ADAMTS3: variants seen among roughly 807,000 people sequenced by gnomAD.
ADAMTS3 encodes A disintegrin and metalloproteinase with thrombospondin motifs 3.
Under a neutral mutation model 129.0 loss-of-function variants are expected in ADAMTS3, and 73 were observed. The observed-to-expected ratio is 0.57, with a 90% CI of 0.47 to 0.69. The LOEUF (loss-of-function observed/expected upper bound fraction) is 0.69. ADAMTS3 is among the 30% of genes least tolerant of loss of function. The pLI is 0.00. For missense variants in ADAMTS3, 1,457 were observed against 1,514.5 expected, an observed-to-expected ratio of 0.96 and a Z score of 0.63; for synonymous variants, 477 against 510.8, an observed-to-expected ratio of 0.93 and a Z score of 0.89.
chr4:72,318,899 G>C (rs1350736231), intron 9 of ADAMTS3, among the ~76,000 whole-genome samples, 195 bp from the exon 10 acceptor site: 1 of 152,114 alleles, frequency 6.6e-6, no homozygotes, highest in African/African-American at 2.4e-5. Context: ...ATTCATGCCA[G>C]GAAAGTAAAC....
intron 3 of ADAMTS3, among the ~76,000 whole-genome samples, chr4:72,483,280 C>T (rs964978573): frequency 6.6e-6 from 1 of 152,074 alleles, no homozygotes; most frequent in African/African-American, 2.4e-5. Context: ...AACTACAAAG[C>T]CACAGGATGC....
chr4:72,546,939 C>T (rs916404727), intron 3 of ADAMTS3, among the ~76,000 whole-genome samples: 2 of 152,092 alleles, frequency 1.3e-5, no homozygotes, highest in African/African-American at 4.8e-5. Context: ...CACATCAACA[C>T]CCCCTTGCCA....
chr4:72,497,184 T>C (rs180820929), intron 3 of ADAMTS3, among the ~76,000 whole-genome samples: 1 of 152,200 alleles, frequency 6.6e-6, no homozygotes, highest in East Asian at 1.9e-4. Flanking sequence ...GTTGGAAGTA[T>C]TTTATCTTAA....
At chr4:72,339,462 T>A (rs752255996) in intron 5 of ADAMTS3, 32 bp downstream of exon 5, 2 of 1,606,128 alleles carry the variant, frequency 1.2e-6, no homozygotes, top group Non-Finnish European at 1.7e-6. Context: ...AATTAAAAGA[T>A]CAAAAAGCTT....
intron 2 of ADAMTS3, among the ~76,000 whole-genome samples, chr4:72,549,416 T>A (rs1192447351): frequency 1.3e-5 from 2 of 152,106 alleles, no homozygotes. Context: ...TTTTCCACCA[T>A]AACAACCCTA....
intron 4 of ADAMTS3, among the ~76,000 whole-genome samples, chr4:72,376,156 C>T (rs72863729): frequency 0.065 from 9,895 of 152,102 alleles, 1,073 homozygotes; most frequent in African/African-American, 0.23. Context: ...AAGAATAATG[C>T]CTTAGTGTGT....
chr4:72,390,758 T>C (rs1721571629), intron 4 of ADAMTS3, among the ~76,000 whole-genome samples: 1 of 152,246 alleles, frequency 6.6e-6, no homozygotes, highest in East Asian at 1.9e-4. Context: ...GAAAGCGCTT[T>C]ATTTCCTAAG....
intron 3 of ADAMTS3, among the ~76,000 whole-genome samples, chr4:72,453,465 C>T (rs559581365): frequency 5.3e-5 from 8 of 151,850 alleles, no homozygotes; most frequent in Non-Finnish European, 7.4e-5. Flanking sequence ...CAAGTCAGTA[C>T]TATGTGTTAT....
intron 3 of ADAMTS3, among the ~76,000 whole-genome samples, chr4:72,445,468 G>C (rs1718226317): frequency 1.3e-5 from 2 of 151,614 alleles, no homozygotes; most frequent in African/African-American, 4.8e-5. Context: ...TAAGTACACT[G>C]TCCTTAATAA....
intron 4 of ADAMTS3, among the ~76,000 whole-genome samples, chr4:72,397,052 T>C (rs1423550207): frequency 6.6e-6 from 1 of 152,100 alleles, no homozygotes; most frequent in Non-Finnish European, 1.5e-5. Context: ...TCACCTGGAT[T>C]AGTACTCCAG....
chr4:72,464,136 C>A (rs2109986903), intron 3 of ADAMTS3, among the ~76,000 whole-genome samples: 1 of 152,148 alleles, frequency 6.6e-6, no homozygotes, highest in Non-Finnish European at 1.5e-5. Context: ...AATGACCGTG[C>A]AAAACCTGCG....
chr4:72,311,216 A>G, intron 13 of ADAMTS3, 35 bp from the exon 14 acceptor site: 3 of 1,576,106 alleles, frequency 1.9e-6, no homozygotes, highest in East Asian at 2.3e-5. Context: ...AACTATTTAC[A>G]TAAAATGGAA....
At position 72,307,233 on chromosome 4, in the gene ADAMTS3, T is replaced by C. The variant is rs143050224; in HGVS notation, c.2180-1166A>G. Among the ~76,000 whole-genome samples the C allele has an allele frequency of 9.3e-4, 141 of 152,168 alleles. 1 individual carries two copies. Among genetic ancestry groups the C allele is most frequent in the African/African-American group, 3.1e-3 (128 of 41,566 alleles). On this transcript the variant is annotated intron_variant, in intron 15 of 21. Coordinates refer to ENST00000286657, the MANE Select transcript of ADAMTS3 (RefSeq NM_014243.3). Reference sequence around the variant, plus strand: ...TTATTAGTGTCCTAACTAAATAAAGTGGTCCTTTTGGGATCAGGGTGTTCA... The same window carrying C: ...TTATTAGTGTCCTAACTAAATAAAGCGGTCCTTTTGGGATCAGGGTGTTCA...
At chr4:72,469,099 G>A (rs780678596) in intron 3 of ADAMTS3, among the ~76,000 whole-genome samples, 2 of 152,052 alleles carry the variant, frequency 1.3e-5, no homozygotes, top group Non-Finnish European at 2.9e-5. Context: ...TAGCACTCTT[G>A]TGCCCTCTAG....
intron 17 of ADAMTS3, among the ~76,000 whole-genome samples, chr4:72,302,904 T>G (rs538281459): frequency 6.6e-6 from 1 of 152,262 alleles, no homozygotes; most frequent in African/African-American, 2.4e-5. Context: ...CCTAGGTTCT[T>G]TCTTCACAGC....
intron 3 of ADAMTS3, among the ~76,000 whole-genome samples, chr4:72,429,650 G>A (rs948805678): frequency 6.6e-6 from 1 of 152,000 alleles, no homozygotes; most frequent in African/African-American, 2.4e-5. Flanking sequence ...TTGAGGATAT[G>A]TATTAAAGAT....
chr4:72,302,709 A>G (rs1264036419), intron 17 of ADAMTS3, among the ~76,000 whole-genome samples: 1 of 152,156 alleles, frequency 6.6e-6, no homozygotes, highest in African/African-American at 2.4e-5. Context: ...AGTATATCAC[A>G]GTCAAACTGC....
At chr4:72,320,688 T>C in intron 7 of ADAMTS3, 26 bp downstream of exon 7, 1 of 1,606,896 alleles carries the variant, frequency 6.2e-7, no homozygotes, top group Non-Finnish European at 8.5e-7. Flanking sequence ...CCCTCAAGTA[T>C]TTCTTCTACA....
rs1338473083 is a variant in ADAMTS3 at position 72,320,802 on chromosome 4, T to C, written c.1014A>G (p.Gln338=). The change falls in exon 7 of 22, where the codon CAA becomes CAG. Residue 338 remains glutamine, a synonymous_variant. Coordinates refer to ENST00000286657, the MANE Select transcript of ADAMTS3 (RefSeq NM_014243.3). ...SLENVCRWAS[Q]QQRSDLNHSE... ...AGTGGTTGAGATCAGATCTTTGCTG[T>C]TGGGACGCCCAGCGACACACATTCT... The C allele has an allele frequency of 3.1e-6, 5 of 1,613,906 alleles. No individual in the cohort carries two copies. Among genetic ancestry groups the C allele is most frequent in the East Asian group, 4.5e-5 (2 of 44,868 alleles).
Sources: gnomAD v4.1 joint callset for allele counts (sites outside exome capture counted in the v4.1 genomes callset) on GRCh38, gnomAD v4.1.1 for gene constraint, MANE v1.5 for transcripts, NCBI Gene and HGNC (gene_info 2026-07-23, HGNC 2026-07-21) for gene names.